HERC1: variants seen among roughly 807,000 people sequenced by gnomAD.
HERC1 encodes the protein probable E3 ubiquitin-protein ligase HERC1.
A neutral mutation model predicts 554.3 loss-of-function variants in HERC1; 160 were observed. The ratio of observed to expected loss-of-function variants is 0.29; its 90% CI spans 0.25 to 0.33. The LOEUF (loss-of-function observed/expected upper bound fraction) is 0.33. Among genes scored for constraint, HERC1 ranks in the 10% least tolerant of loss-of-function variants. The pLI is 1.00. For missense variants in HERC1, 4,919 were observed against 5,918.5 expected (o/e 0.83, Z 5.54); for synonymous variants, 2,175 against 2,131.7 (o/e 1.02, Z -0.56).
chr15:63,683,028 C>T (rs922200690), intron 34 of HERC1, among the ~76,000 whole-genome samples: 29 of 149,388 alleles, frequency 1.9e-4, no homozygotes, highest in African/African-American at 6.7e-4. Context: ...CTCACCTATT[C>T]GGGAGGCTGA....
chr15:63,661,152 A>C, intron 45 of HERC1, 127 bp from the exon 46 acceptor site: 3 of 695,884 alleles, frequency 4.3e-6, no homozygotes, highest in Non-Finnish European at 7.6e-6. Context: ...AGTATGTTTC[A>C]TGTTATAGGC....
chr15:63,670,256 G>C (rs2070840459), intron 39 of HERC1, among the ~76,000 whole-genome samples: 1 of 152,204 alleles, frequency 6.6e-6, no homozygotes, highest in African/African-American at 2.4e-5. Flanking sequence ...AAAGGTACGG[G>C]GAGGCAGCCC....
At chr15:63,630,736 G>A (rs2068512666) in intron 68 of HERC1, 101 bp from the exon 69 acceptor site, 2 of 1,163,642 alleles carry the variant, frequency 1.7e-6, no homozygotes, top group Non-Finnish European at 2.4e-6. Flanking sequence ...TGGTGGAATG[G>A]CAATGACACA....
At chr15:63,726,623 C>T (rs2074050535) in intron 17 of HERC1, among the ~76,000 whole-genome samples, 1 of 151,758 alleles carries the variant, frequency 6.6e-6, no homozygotes, top group Non-Finnish European at 1.5e-5. Context: ...TATATATTTC[C>T]AAAATGGACT....
chr15:63,741,471 C>A lies in HERC1; in HGVS notation c.2520+5447G>T, dbSNP rs957264240. On this transcript the variant is annotated intron_variant, in intron 12 of 77. Coordinates refer to ENST00000443617, the MANE Select transcript of HERC1 (RefSeq NM_003922.4). Reference sequence around the variant, plus strand: ...GGGATTACAGGCACACGCCACTACACCCGGCTAATTTTTTGTTATTTAGTA... The same window carrying A: ...GGGATTACAGGCACACGCCACTACAACCGGCTAATTTTTTGTTATTTAGTA... 3.9e-5 allele frequency among the ~76,000 whole-genome samples: 6 copies of A among 152,194 alleles called. No individual in the cohort carries two copies. The East Asian group carries it at 9.7e-4, about 24-fold the overall frequency.
chr15:63,672,523 G>A lies in HERC1; in HGVS notation c.8018C>T (p.Pro2673Leu), dbSNP rs375309992. The A allele has an allele frequency of 1.9e-5, 31 of 1,601,568 alleles. No individual in the cohort carries two copies. The highest frequency in any genetic ancestry group is 1.7e-4 in the Middle Eastern group (1 of 6,040). The change falls in exon 39 of 78, where the codon CCG becomes CTG. Residue 2673 changes from proline to leucine, a missense_variant. Pro to Leu is a moderately conservative substitution (Grantham distance 98, BLOSUM62 -3). This residue lies in a region of HERC1 where 1,963 missense variants were observed against 2,228.6 expected (regional missense o/e 0.88). Coordinates refer to ENST00000443617, the MANE Select transcript of HERC1 (RefSeq NM_003922.4). The stretch of plus-strand genomic sequence containing the variant: ...GAGAAGACTAAGAGGCATCACTCCC[G>A]GGGACTCGGATGCAGGCACTGTTTC... ...DTETVPASES[P>L]GVMPLSLLRQ...
At chr15:63,750,140 T>C (rs1596149284) in intron 8 of HERC1, among the ~76,000 whole-genome samples, 1 of 152,344 alleles carries the variant, frequency 6.6e-6, no homozygotes, top group African/African-American at 2.4e-5. Flanking sequence ...TTCTCCTTTA[T>C]GTGTTTCTCA....
intron 60 of HERC1, 72 bp downstream of exon 60, chr15:63,641,398 A>G: frequency 7.8e-7 from 1 of 1,280,684 alleles, no homozygotes; most frequent in Non-Finnish European, 1.1e-6. Flanking sequence ...TTAAGGGATA[A>G]GTTCAAGGCT....
chr15:63,728,939 TAA>T (rs375000040), intron 16 of HERC1, among the ~76,000 whole-genome samples: 14 of 145,022 alleles, frequency 9.7e-5, no homozygotes, highest in African/African-American at 2.5e-4. Flanking sequence ...GAGCAGGTTT[TAA>T]AAAAAAAAAA....
At chr15:63,610,714 G>A (rs2067547679) in intron 77 of HERC1, among the ~76,000 whole-genome samples, 1 of 152,356 alleles carries the variant, frequency 6.6e-6, no homozygotes, top group African/African-American at 2.4e-5. Context: ...GGGAGGAATA[G>A]CTTTGGCTAC....
chr15:63,797,531 AT>A (rs911123713), intron 1 of HERC1, among the ~76,000 whole-genome samples: 6 of 151,084 alleles, frequency 4.0e-5, no homozygotes, highest in Non-Finnish European at 8.9e-5. Context: ...CACTCCAATC[AT>A]TTTTTTTTCC....
Position 63,666,549 on chromosome 15 carries a change from A to G in HERC1, c.8207-77T>C. 3.4e-6 allele frequency: 3 copies of G among 881,320 alleles called. No individual in the cohort carries two copies. In the South Asian group the frequency reaches 4.7e-5, roughly 14 times the overall value. 54.6% of individuals were successfully genotyped at this position (881,320 alleles called of 1,614,324 possible). On this transcript the variant is annotated intron_variant, in intron 40 of 77. Transcript: ENST00000443617. ...GTAAAAAGTGTCTTCATAGTCCTCA[A>G]TTTCCTAGTATTGTCCAAGTTTAAT...
chr15:63,672,033 G>A (rs2070955652), intron 39 of HERC1, among the ~76,000 whole-genome samples: 1 of 152,180 alleles, frequency 6.6e-6, no homozygotes, highest in South Asian at 2.1e-4. Flanking sequence ...CATAAGACAT[G>A]CCCTTTCGTT....
chr15:63,821,932 T>C (rs2145767056), intron 1 of HERC1, among the ~76,000 whole-genome samples: 1 of 152,140 alleles, frequency 6.6e-6, no homozygotes, highest in Non-Finnish European at 1.5e-5. Flanking sequence ...AGGCAAGTAA[T>C]TCTATTTCAG....
At chr15:63,823,883 G>A (rs1006700273) in intron 1 of HERC1, among the ~76,000 whole-genome samples, 1 of 152,146 alleles carries the variant, frequency 6.6e-6, no homozygotes, top group Admixed American at 6.5e-5. Context: ...TACGGATTTG[G>A]AGAAAATATT....
At chr15:63,742,967 C>A (rs2074872561) in intron 12 of HERC1, among the ~76,000 whole-genome samples, 1 of 152,120 alleles carries the variant, frequency 6.6e-6, no homozygotes, top group Non-Finnish European at 1.5e-5. Context: ...TTTTGGTCCA[C>A]AATTAGGGTA....
chr15:63,674,509 C>G lies in HERC1; in HGVS notation c.7679G>C (p.Arg2560Pro). ...SPVVHEDVEM[R>P]AALQFLMRHM... The stretch of plus-strand genomic sequence containing the variant: ...TCGCATCAAGAACTGCAGGGCTGCT[C>G]GCATCTCCACGTCTTCATGAACAAC... Residue 2560 changes from arginine (R) to proline (P), a missense_variant, in exon 38 of 78, where the codon CGA becomes CCA. By Grantham distance (103) the Arg-to-Pro change is moderately radical (BLOSUM62 -2). Coordinates refer to ENST00000443617, the MANE Select transcript of HERC1 (RefSeq NM_003922.4). The G allele has an allele frequency of 6.2e-7, 1 of 1,613,638 alleles. No individual in the cohort carries two copies. The highest frequency in any genetic ancestry group is 8.5e-7 in the Non-Finnish European group (1 of 1,179,716).
rs560520631 is a variant in HERC1, at chr15:63,667,690, A to G, written c.8207-1218T>C. On this transcript the variant is annotated intron_variant, in intron 40 of 77. Coordinates refer to ENST00000443617, the MANE Select transcript of HERC1 (RefSeq NM_003922.4). ...CTTTAACTACATATGAAGTGGTACA[A>G]TATCACCTTAAGGTAGACTCTGATA... 3.3e-5 allele frequency among the ~76,000 whole-genome samples: 5 copies of G among 152,354 alleles called. No individual in the cohort carries two copies. The East Asian group carries it at 5.8e-4, about 18-fold the overall frequency.
At chr15:63,811,847 G>A (rs1396098461) in intron 1 of HERC1, among the ~76,000 whole-genome samples, 2 of 150,114 alleles carry the variant, frequency 1.3e-5, no homozygotes, top group Admixed American at 6.6e-5. Context: ...AAAAAACAAA[G>A]GTTATCTTTG....
Sources: gnomAD v4.1 joint callset for allele counts (sites outside exome capture counted in the v4.1 genomes callset) on GRCh38, gnomAD v4.1.1 for gene constraint, gnomAD v4.1.1 regional missense constraint, MANE v1.5 for transcripts, NCBI Gene and HGNC (gene_info 2026-07-23, HGNC 2026-07-21) for gene names.